The following VWA5B1 variants were observed in gnomAD, a reference collection of about 807,000 sequenced individuals.
VWA5B1 encodes von Willebrand factor A domain-containing protein 5B1.
In VWA5B1, 115 loss-of-function variants were observed where a neutral mutation model predicts 118.2. That is an observed-to-expected ratio of 0.97 (90% CI 0.84 to 1.14). The LOEUF (loss-of-function observed/expected upper bound fraction) is 1.14, where lower values mean the gene tolerates loss of function less well. VWA5B1 is among the 50% of genes most tolerant of loss of function. The pLI is 0.00. For missense variants in VWA5B1, 1,596 were observed against 1,603.8 expected, an observed-to-expected ratio of 1.00 and a Z score of 0.08; for synonymous variants, 682 against 658.4, an observed-to-expected ratio of 1.04 and a Z score of -0.55.
At chr1:20,329,392 T>A (rs2089481954) in intron 9 of VWA5B1, among the ~76,000 whole-genome samples, 2 of 141,860 alleles carry the variant, frequency 1.4e-5, no homozygotes, top group Non-Finnish European at 3.0e-5. Flanking sequence ...CACTGCAACC[T>A]CTGCCTCTCA....
chr1:20,335,633 T>G (rs997559917), intron 12 of VWA5B1, among the ~76,000 whole-genome samples: 1 of 152,252 alleles, frequency 6.6e-6, no homozygotes, highest in Non-Finnish European at 1.5e-5. Context: ...GTGGGTCATA[T>G]GTATTATGTG....
In VWA5B1 at chr1:20,356,174, G is replaced by A. The variant is rs1428267538; in HGVS notation, c.*1911G>A. Among the ~76,000 whole-genome samples the A allele has an allele frequency of 6.6e-6, 1 of 152,206 alleles. No individual in the cohort carries two copies. Among genetic ancestry groups the A allele is most frequent in the African/African-American group, 2.4e-5 (1 of 41,458 alleles). On this transcript the variant is annotated 3_prime_UTR_variant, in exon 22 of 22. Transcript: ENST00000289815. Reference sequence around the variant, plus strand: ...CCTCAGCTTCAGGGTAAGGGTGGCCGGGGGTGGCATCTACTTCCTGGACCA... The same window carrying A: ...CCTCAGCTTCAGGGTAAGGGTGGCCAGGGGTGGCATCTACTTCCTGGACCA...
Position 20,343,304 on chromosome 1 carries a change from T to G in VWA5B1, c.2537T>G (p.Leu846Arg), listed in dbSNP as rs1224512326. ...CGGGGCGGCGCGCAGGATGCCGACC[T>G]ATGGAGCGAGACCTTCCACCACCTG... ...PERGGAQDAD[L>R]WSETFHHLAA... Residue 846 changes from leucine (L) to arginine (R), a missense_variant, in exon 16 of 22, where the codon CTA becomes CGA. Transcript: ENST00000289815. 6.5e-7 allele frequency: 1 copy of G among 1,546,888 alleles called. No homozygotes were observed. The highest frequency in any genetic ancestry group is 8.7e-7 in the Non-Finnish European group (1 of 1,146,612).
At chr1:20,349,110 G>A (rs1312331960) in intron 18 of VWA5B1, 1 of 372,584 alleles carries the variant, frequency 2.7e-6, no homozygotes, top group South Asian at 2.0e-5. Flanking sequence ...CCTAGAAAGT[G>A]CTCACAGACA....
At chr1:20,300,638 G>T (rs2088486262) in intron 1 of VWA5B1, among the ~76,000 whole-genome samples, 1 of 152,178 alleles carries the variant, frequency 6.6e-6, no homozygotes, top group South Asian at 2.1e-4. Context: ...TAATAGCCTT[G>T]CCTTCTTGAT....
Position 20,317,787 on chromosome 1 carries a change from AC to A in VWA5B1, c.709+113del, listed in dbSNP as rs1389082604. The A allele has an allele frequency of 8.3e-6, 11 of 1,318,842 alleles. No individual in the cohort carries two copies. The East Asian group carries it at 2.7e-4, about 32-fold the overall frequency. 81.7% of individuals were successfully genotyped at this position (1,318,842 alleles called of 1,614,324 possible). ...GCCAACTGGCCCAGATGGCAGACCT[AC>A]TAAAGTACACAAAGCCTGTGGACCC... is the stretch of plus-strand genomic sequence containing the variant. On this transcript the variant is annotated intron_variant, in intron 5 of 21. Transcript: ENST00000289815.
rs574314167 is a variant in VWA5B1 at position 20,355,672 on chromosome 1, G to A, written c.*1409G>A. On this transcript the variant is annotated 3_prime_UTR_variant, in exon 22 of 22. Transcript: ENST00000289815. ...TCCTGCGGGCTCTGGCGCAAGCCCC[G>A]GCCTCAGGAAGACTCGAGGGGTGTG... is the stretch of plus-strand genomic sequence containing the variant. Among the ~76,000 whole-genome samples the A allele has an allele frequency of 1.4e-4, 21 of 152,310 alleles. No homozygotes were observed. In the South Asian group the frequency reaches 2.1e-3, roughly 15 times the overall value.
Position 20,350,198 on chromosome 1 carries a change from C to G in VWA5B1, c.2921C>G (p.Ser974Cys), listed in dbSNP as rs1411522159. Reference sequence around the variant, plus strand: ...ACTGCTCTCTTCAGCGAGGCCAGGTCCCCCGGCCGCGAGAAGCACGGTGCT... The same window carrying G: ...ACTGCTCTCTTCAGCGAGGCCAGGTGCCCCGGCCGCGAGAAGCACGGTGCT... ...SPTALFSEAR[S>C]PGREKHGASE... The change falls in exon 19 of 22, where the codon TCC becomes TGC. Residue 974 changes from serine (S) to cysteine (C), a missense_variant. Physicochemically the swap from Ser to Cys is moderately radical, Grantham distance 112. Coordinates refer to ENST00000289815, the MANE Select transcript of VWA5B1 (RefSeq NM_001039500.3). 3 of 1,551,008 alleles carry G rather than the reference C, an allele frequency of 1.9e-6. No individual in the cohort carries two copies. The highest frequency in any genetic ancestry group is 2.6e-6 in the Non-Finnish European group (3 of 1,146,974).
At chr1:20,344,161 C>A (rs2089959949) in intron 16 of VWA5B1, among the ~76,000 whole-genome samples, 1 of 151,454 alleles carries the variant, frequency 6.6e-6, no homozygotes, top group South Asian at 2.1e-4. Flanking sequence ...TGGTCCTCTC[C>A]CCCAGCCCTG....
chr1:20,295,229 T>A (rs2088381788), intron 1 of VWA5B1, among the ~76,000 whole-genome samples: 1 of 151,760 alleles, frequency 6.6e-6, no homozygotes, highest in South Asian at 2.1e-4. Flanking sequence ...AAGTTGAGGC[T>A]CACAGAGGTC....
Position 20,358,493 on chromosome 1 carries a change from C to A in VWA5B1, c.*4230C>A, listed in dbSNP as rs188296321. On this transcript the variant is annotated 3_prime_UTR_variant, in exon 22 of 22. Transcript: ENST00000289815. ...CCTATCTGTGTACAGTCTGCCCCCC[C>A]ACCCTGCAATTGCCTGCCCCATTGA... 1.1e-4 allele frequency among the ~76,000 whole-genome samples: 16 copies of A among 152,294 alleles called. No individual in the cohort carries two copies. Among genetic ancestry groups the A allele is most frequent in the Middle Eastern group, 3.4e-3 (1 of 294 alleles).
chr1:20,291,876 G>A (rs898956039), intron 1 of VWA5B1, among the ~76,000 whole-genome samples: 4 of 152,176 alleles, frequency 2.6e-5, no homozygotes, highest in African/African-American at 9.7e-5. Flanking sequence ...TCAAGCCTCC[G>A]CTGGAAGTTC....
chr1:20,318,339 T>G, intron 5 of VWA5B1: 1 of 552,982 alleles, frequency 1.8e-6, no homozygotes, highest in Non-Finnish European at 3.3e-6. Flanking sequence ...CCTATAAGAA[T>G]GCAACTCCTC....
At position 20,335,625 on chromosome 1, in the gene VWA5B1, G is replaced by C. The variant is rs185294528; in HGVS notation, c.1759-678G>C. 1.3e-3 allele frequency among the ~76,000 whole-genome samples: 197 copies of C among 152,258 alleles called. 3 individuals are homozygous for C. Among genetic ancestry groups the C allele is most frequent in the Non-Finnish European group, 6.5e-4 (44 of 68,032 alleles). On this transcript the variant is annotated intron_variant, in intron 12 of 21. Coordinates refer to ENST00000289815, the MANE Select transcript of VWA5B1 (RefSeq NM_001039500.3). ...AACAGTCAATTAACGCATATTTTGT[G>C]GGTCATATGTATTATGTGCTGTATT...
In VWA5B1 at chr1:20,317,696, C is replaced by T. The variant is rs781399999; in HGVS notation, c.709+21C>T. On this transcript the variant is annotated intron_variant, in intron 5 of 21. Coordinates refer to ENST00000289815, the MANE Select transcript of VWA5B1 (RefSeq NM_001039500.3). ...CGCAGGTGAGAGGGAGACATCCAGA[C>T]GGGATGGGTGAGCTTCAGGCGAAAA... 57 of 1,536,250 alleles carry T rather than the reference C, an allele frequency of 3.7e-5. No individual in the cohort carries two copies. In the Middle Eastern group the frequency reaches 8.4e-4, roughly 23 times the overall value.
At chr1:20,349,570 T>G (rs2090081333) in intron 18 of VWA5B1, among the ~76,000 whole-genome samples, 1 of 151,460 alleles carries the variant, frequency 6.6e-6, no homozygotes, top group South Asian at 2.1e-4. Flanking sequence ...TTTAGTAGAG[T>G]TGGGGTTTCA....
Position 20,353,966 on chromosome 1 carries a change from G to A in VWA5B1, c.3351G>A (p.Leu1117=), listed in dbSNP as rs201718500. The part of the protein sequence containing the change: ...PRHPSCDSFS[L]EPLAKGKLGL... ...ACCCGTCCTGTGACAGCTTCTCCCT[G>A]GAGCCTCTGGCCAAGGGCAAGCTGG... is the stretch of plus-strand genomic sequence containing the variant. Residue 1117 remains leucine, a synonymous_variant, in exon 22 of 22, where the codon CTG becomes CTA. Coordinates refer to ENST00000289815, the MANE Select transcript of VWA5B1 (RefSeq NM_001039500.3). 3.1e-4 allele frequency: 487 copies of A among 1,551,588 alleles called. 1 individual carries two copies. Among genetic ancestry groups the A allele is most frequent in the Admixed American group, 5.9e-4 (30 of 50,980 alleles).
At chr1:20,295,099 T>C (rs987121227) in intron 1 of VWA5B1, among the ~76,000 whole-genome samples, 1 of 151,114 alleles carries the variant, frequency 6.6e-6, no homozygotes, top group African/African-American at 2.4e-5. Flanking sequence ...GATAAAGGGG[T>C]GGGGAAAGGC....
intron 14 of VWA5B1, among the ~76,000 whole-genome samples, chr1:20,341,217 T>C (rs1284842093): frequency 3.3e-5 from 5 of 152,232 alleles, no homozygotes; most frequent in Non-Finnish European, 7.3e-5. Context: ...CCCGACTGAT[T>C]TGGATCGTTT....
Sources: allele counts gnomAD v4.1 joint callset (sites outside exome capture counted in the v4.1 genomes callset), GRCh38; gene constraint gnomAD v4.1.1; transcripts MANE v1.5; gene names NCBI Gene and HGNC (gene_info 2026-07-23, HGNC 2026-07-21).